Variants in TP53BP1 observed in about 807,000 individuals in gnomAD.
The protein encoded by TP53BP1 is TP53-binding protein 1.
TP53BP1 carries 61 observed loss-of-function variants against 200.8 expected under a neutral mutation model. That is an observed-to-expected ratio of 0.30 (90% CI 0.25 to 0.38). The LOEUF (loss-of-function observed/expected upper bound fraction) is 0.38. TP53BP1 is among the 10% of genes least tolerant of loss of function. TP53BP1 has a pLI of 1.00. For missense variants in TP53BP1, 2,144 were observed against 2,371.9 expected, an observed-to-expected ratio of 0.90 and a Z score of 2.00; for synonymous variants, 822 against 844.3, an observed-to-expected ratio of 0.97 and a Z score of 0.46.
rs532441117 is a variant in TP53BP1, at chr15:43,420,910, A to C, written c.4250+115T>G. On this transcript the variant is annotated intron_variant, in intron 20 of 27. Coordinates refer to ENST00000382044, the MANE Select transcript of TP53BP1 (RefSeq NM_001141980.3). ...TCACTCTGATCCCTGCCCACTCCCC[A>C]GTCAGTATGGCCCCTCTTCTCCCTC... 94 of 1,383,148 alleles carry C rather than the reference A, an allele frequency of 6.8e-5. No individual in the cohort carries two copies. In the East Asian group the frequency reaches 1.8e-3, roughly 26 times the overall value. The allele number at this position is 1,383,148 out of a possible 1,614,324, so 85.7% of individuals were successfully genotyped here.
chr15:43,407,227 A>AGAG lies in TP53BP1; in HGVS notation c.*153_*155dup, dbSNP rs1370458547. 3.0e-6 allele frequency: 2 copies of AGAG among 656,000 alleles called. No homozygotes were observed. The highest frequency in any genetic ancestry group is 1.8e-5 in the African/African-American group (1 of 54,954). 40.6% of individuals were successfully genotyped at this position (656,000 alleles called of 1,614,324 possible). A position where few individuals can be genotyped will look rare whatever the true frequency, so the allele number is the denominator to read the frequency against. ...AAGAAATCCCAGTTACTACAACCAA[A>AGAG]GAGATTCAACATTTATTTTATCATA... is the stretch of plus-strand genomic sequence containing the variant. On this transcript the variant is annotated 3_prime_UTR_variant, in exon 28 of 28. Transcript: ENST00000382044.
At position 43,456,168 on chromosome 15, in the gene TP53BP1, T is replaced by G. The variant is rs374045889; in HGVS notation, c.2440A>C (p.Ser814Arg). 9 of 1,614,098 alleles carry G rather than the reference T, an allele frequency of 5.6e-6. No individual in the cohort carries two copies. The highest frequency in any genetic ancestry group is 7.6e-6 in the Non-Finnish European group (9 of 1,180,052). ...ENRLDTKEEK[S>R]VEYEGDLKSG... ...TTCAGATCTCCTTCATATTCTACAC[T>G]CTTTTCTTCCTTGGTGTCTAATCTA... Residue 814 changes from serine to arginine, a missense_variant, in exon 12 of 28, where the codon AGT becomes CGT. Physicochemically the swap from Ser to Arg is moderately radical, Grantham distance 110. This residue lies in a region of TP53BP1 where 1,700 missense variants were observed against 1,710.3 expected (regional missense o/e 0.99). Transcript: ENST00000382044.
intron 12 of TP53BP1, among the ~76,000 whole-genome samples, chr15:43,448,227 G>T (rs189648923): frequency 6.6e-6 from 1 of 152,076 alleles, no homozygotes; most frequent in East Asian, 1.9e-4. Context: ...TTTCTACCTA[G>T]GTCTCAGTTC....
chr15:43,446,612 G>A (rs748822716), intron 13 of TP53BP1, 22 bp from the exon 14 acceptor site: 23 of 1,598,162 alleles, frequency 1.4e-5, no homozygotes, highest in Admixed American at 3.5e-5. Context: ...GAGGCAGGGA[G>A]GAAGAAAAAA....
chr15:43,509,990 GGA>G (rs1269871158), intron 1 of TP53BP1, among the ~76,000 whole-genome samples: 1 of 152,102 alleles, frequency 6.6e-6, no homozygotes, highest in African/African-American at 2.4e-5. Context: ...TGGAGTAGGT[GGA>G]GACACACTGA....
chr15:43,421,287 G>C (rs2045391191), intron 19 of TP53BP1, 113 bp from the exon 20 acceptor site: 1 of 1,167,662 alleles, frequency 8.6e-7, no homozygotes, highest in Non-Finnish European at 1.2e-6. Context: ...TGAGCCTTTG[G>C]GGCAGCAGGA....
chr15:43,434,592 TAA>T lies in TP53BP1; in HGVS notation c.3192-1917_3192-1916del, dbSNP rs370145666. Among the ~76,000 whole-genome samples, 591 of 152,288 alleles carry T rather than the reference TAA, an allele frequency of 3.9e-3. 4 individuals carry two copies. The highest frequency in any genetic ancestry group is 0.014 in the African/African-American group (567 of 41,552). On this transcript the variant is annotated intron_variant, in intron 16 of 27. Coordinates refer to ENST00000382044, the MANE Select transcript of TP53BP1 (RefSeq NM_001141980.3). The stretch of plus-strand genomic sequence containing the variant: ...CTCATGAATAGGGTTAGTGCCCTTA[TAA>T]AAGAGACCTCAGAGAGCTCTCTTGC...
intron 1 of TP53BP1, among the ~76,000 whole-genome samples, chr15:43,499,174 G>A (rs754069494): frequency 6.6e-6 from 1 of 152,168 alleles, no homozygotes; most frequent in Non-Finnish European, 1.5e-5. Context: ...TGGCTGAGCT[G>A]TGAAATAGTT....
At position 43,507,411 on chromosome 15, in the gene TP53BP1, A is replaced by C. The variant is rs1329686901; in HGVS notation, c.-9+2959T>G. Reference sequence around the variant, plus strand: ...CAGCCTCCCAAAGTGTTGGGATTACAGGCGTGAGCCACTGCGCCCAGCTAG... The same window carrying C: ...CAGCCTCCCAAAGTGTTGGGATTACCGGCGTGAGCCACTGCGCCCAGCTAG... On this transcript the variant is annotated intron_variant, in intron 1 of 27. Coordinates refer to the TP53BP1 transcript ENST00000263801. Among the ~76,000 whole-genome samples, 12 of 152,186 alleles carry C rather than the reference A, an allele frequency of 7.9e-5. 1 individual carries two copies. The highest frequency in any genetic ancestry group is 7.9e-4 in the Admixed American group (12 of 15,276).
chr15:43,471,548 T>A (rs546118384), intron 10 of TP53BP1, among the ~76,000 whole-genome samples: 2 of 152,206 alleles, frequency 1.3e-5, no homozygotes, highest in South Asian at 2.1e-4. Context: ...TGCCTCAGCC[T>A]CCTGAGTAGC....
chr15:43,425,689 G>A (rs1012682255), intron 18 of TP53BP1, among the ~76,000 whole-genome samples: 1 of 152,142 alleles, frequency 6.6e-6, no homozygotes, highest in Non-Finnish European at 1.5e-5. Context: ...TAGTGTACTA[G>A]GCACAGAGTT....
rs1010702080 is a variant in TP53BP1 at position 43,477,256 on chromosome 15, C to T, written c.955+337G>A. On this transcript the variant is annotated intron_variant, in intron 8 of 27. Coordinates refer to ENST00000382044, the MANE Select transcript of TP53BP1 (RefSeq NM_001141980.3). Reference sequence around the variant, plus strand: ...CGGAGCTTGCAGTGAGCCGAGATTGCGCCACTGCACTCCAGCCTGGGTGAC... The same window carrying T: ...CGGAGCTTGCAGTGAGCCGAGATTGTGCCACTGCACTCCAGCCTGGGTGAC... Among the ~76,000 whole-genome samples, 15 of 149,892 alleles carry T rather than the reference C, an allele frequency of 1.0e-4. 1 individual carries two copies. The highest frequency in any genetic ancestry group is 8.0e-4 in the Admixed American group (12 of 15,006).
At chr15:43,438,184 C>T (rs1304929936) in intron 16 of TP53BP1, 140 bp downstream of exon 16, 2 of 629,652 alleles carry the variant, frequency 3.2e-6, no homozygotes, top group African/African-American at 3.7e-5. Context: ...CCACTAATTA[C>T]CTCTCAACAC....
At chr15:43,475,513 A>T in intron 9 of TP53BP1, 52 bp downstream of exon 9, 1 of 1,601,564 alleles carries the variant, frequency 6.2e-7, no homozygotes, top group Non-Finnish European at 8.5e-7. Context: ...GCCTTAGCCT[A>T]AGACTCTCAG....
At chr15:43,408,643 C>T (rs1395853036) in intron 26 of TP53BP1, 2 of 473,412 alleles carry the variant, frequency 4.2e-6, no homozygotes, top group East Asian at 7.4e-5. Context: ...TTGCTTAAAA[C>T]TTAGTTCTCT....
chr15:43,495,534 A>C (rs553036697), upstream of TP53BP1, among the ~76,000 whole-genome samples: 5,413 of 102,938 alleles, frequency 0.053, 135 homozygotes, highest in Middle Eastern at 0.14. Flanking sequence ...CACACACACA[A>C]AAGCCAGGTG....
In TP53BP1 at chr15:43,460,409, C is replaced by T. The variant is rs2046402651; in HGVS notation, c.1390-3191G>A. ...CCGAGTAGCTGGAACTACAGGTGCG[C>T]ACCACCAGAGCCAGGTAATTTTTGT... On this transcript the variant is annotated intron_variant, in intron 11 of 27. Coordinates refer to ENST00000382044, the MANE Select transcript of TP53BP1 (RefSeq NM_001141980.3). Among the ~76,000 whole-genome samples the T allele has an allele frequency of 2.0e-5, 3 of 152,242 alleles. No homozygotes were observed. In the South Asian group the frequency reaches 6.2e-4, roughly 32 times the overall value.
chr15:43,408,866 A>G (rs769786750), intron 26 of TP53BP1, 31 bp downstream of exon 26: 2 of 1,610,160 alleles, frequency 1.2e-6, no homozygotes, highest in Non-Finnish European at 1.7e-6. Context: ...CCTCCTGCCT[A>G]TACAATTCTG....
chr15:43,422,355 C>T (rs577218896), intron 18 of TP53BP1, among the ~76,000 whole-genome samples: 2 of 151,402 alleles, frequency 1.3e-5, no homozygotes, highest in South Asian at 4.2e-4. Flanking sequence ...TTTTTTTCTC[C>T]CCCAGGTGAT....
Sources: gnomAD v4.1 joint callset for allele counts (sites outside exome capture counted in the v4.1 genomes callset) on GRCh38, gnomAD v4.1.1 for gene constraint, gnomAD v4.1.1 regional missense constraint, MANE v1.5 for transcripts, NCBI Gene and HGNC (gene_info 2026-07-23, HGNC 2026-07-21) for gene names.